The following VPS13B variants were observed in gnomAD, a reference collection of about 807,000 sequenced individuals.
VPS13B encodes intermembrane lipid transfer protein VPS13B.
In VPS13B, 285 loss-of-function variants were observed where a neutral mutation model predicts 426.4. The observed-to-expected ratio is 0.67, with a 90% confidence interval of 0.61 to 0.74. VPS13B has a LOEUF of 0.74. Among genes scored for constraint, VPS13B ranks in the 30% least tolerant of loss-of-function variants. The probability of loss-of-function intolerance (pLI) is 0.00; values close to 1 mark genes in which losing one functional copy is unlikely to be tolerated. For synonymous variants in VPS13B, 1,676 were observed against 1,676.4 expected (o/e 1.00, Z 0.01); for missense variants, 4,537 against 4,782.6 (o/e 0.95, Z 1.51).
intron 17 of VPS13B, among the ~76,000 whole-genome samples, chr8:99,250,493 A>G (rs550240750): frequency 1.3e-5 from 2 of 152,052 alleles, no homozygotes; most frequent in Non-Finnish European, 2.9e-5. Flanking sequence ...TTAAGGTGTT[A>G]GACCTAGATT....
chr8:99,161,647 T>G (rs1301353970), intron 15 of VPS13B, among the ~76,000 whole-genome samples: 1 of 152,124 alleles, frequency 6.6e-6, no homozygotes, highest in Non-Finnish European at 1.5e-5. Flanking sequence ...ACGTTTAATG[T>G]CTCAGGAAGT....
chr8:99,559,778 G>A (rs1824799123), intron 31 of VPS13B, among the ~76,000 whole-genome samples: 1 of 152,078 alleles, frequency 6.6e-6, no homozygotes, highest in African/African-American at 2.4e-5. Context: ...CTCTGTTTTG[G>A]TACCAGTACC....
chr8:99,020,202 A>G (rs1366202418), intron 2 of VPS13B, among the ~76,000 whole-genome samples: 1 of 151,806 alleles, frequency 6.6e-6, no homozygotes, highest in East Asian at 1.9e-4. Flanking sequence ...TGATATCTCA[A>G]TGTGGTTTTA....
chr8:99,850,505 AATT>A (rs1816234504), intron 55 of VPS13B, among the ~76,000 whole-genome samples: 3 of 152,188 alleles, frequency 2.0e-5, no homozygotes, highest in Admixed American at 6.5e-5. Flanking sequence ...TTTAATATGT[AATT>A]ATTATTTGAT....
intron 23 of VPS13B, among the ~76,000 whole-genome samples, chr8:99,445,791 G>A (rs887031758): frequency 4.6e-5 from 7 of 152,020 alleles, no homozygotes; most frequent in African/African-American, 1.7e-4. Context: ...TGAGGTTATT[G>A]TCATAAATTT....
intron 3 of VPS13B, among the ~76,000 whole-genome samples, chr8:99,086,543 TAG>T (rs375420354): frequency 6.6e-6 from 1 of 152,246 alleles, no homozygotes; most frequent in Non-Finnish European, 1.5e-5. Context: ...CTCTGATTTT[TAG>T]AGTTTCCAGT....
chr8:99,410,293 T>G (rs1477313318), intron 21 of VPS13B, among the ~76,000 whole-genome samples: 2 of 152,176 alleles, frequency 1.3e-5, no homozygotes, highest in African/African-American at 4.8e-5. Flanking sequence ...AGGCCTTATC[T>G]TGTCTTTCTG....
chr8:99,261,383 G>A (rs1451810413), intron 17 of VPS13B, among the ~76,000 whole-genome samples: 1 of 151,998 alleles, frequency 6.6e-6, no homozygotes, highest in Non-Finnish European at 1.5e-5. Context: ...TCTTAGTAAT[G>A]TGCGTTATCA....
chr8:99,862,088 C>T (rs1410511217), intron 58 of VPS13B, 142 bp downstream of exon 58: 3 of 989,982 alleles, frequency 3.0e-6, no homozygotes, highest in East Asian at 2.6e-5. Flanking sequence ...CTGAGTTCTA[C>T]AGTGCGTCCC....
intron 51 of VPS13B, among the ~76,000 whole-genome samples, chr8:99,831,927 C>A (rs970161949): frequency 3.9e-5 from 6 of 152,172 alleles, no homozygotes; most frequent in Non-Finnish European, 5.9e-5. Context: ...AACCCAGCCT[C>A]TTTCTAAAAA....
intron 16 of VPS13B, among the ~76,000 whole-genome samples, chr8:99,189,635 CTGTTACTGATATCAG>C (rs1309047464): frequency 5.3e-5 from 8 of 151,918 alleles, no homozygotes; most frequent in Admixed American, 5.2e-4. Context: ...TTGCCCTTTC[CTGTTACTGATATCAG>C]TGTCCTTTTC....
intron 19 of VPS13B, among the ~76,000 whole-genome samples, chr8:99,348,654 A>G (rs1386789319): frequency 6.6e-6 from 1 of 152,180 alleles, no homozygotes; most frequent in African/African-American, 2.4e-5. Flanking sequence ...AAATGATATA[A>G]AATTGGTCAT....
At chr8:99,623,472 T>C (rs1828457513) in intron 33 of VPS13B, among the ~76,000 whole-genome samples, 1 of 152,174 alleles carries the variant, frequency 6.6e-6, no homozygotes, top group Non-Finnish European at 1.5e-5. Context: ...TTTTTGTTGT[T>C]GTTGTTGTTT....
chr8:99,444,260 A>G (rs1485096553), intron 23 of VPS13B, among the ~76,000 whole-genome samples: 1 of 151,668 alleles, frequency 6.6e-6, no homozygotes. Flanking sequence ...CACCACACCC[A>G]GGTAATTTTT....
intron 24 of VPS13B, among the ~76,000 whole-genome samples, chr8:99,470,871 G>T (rs1322937415): frequency 6.6e-6 from 1 of 151,934 alleles, no homozygotes; most frequent in Non-Finnish European, 1.5e-5. Flanking sequence ...TATTGAAAAC[G>T]AAAAATAAAT....
intron 19 of VPS13B, among the ~76,000 whole-genome samples, chr8:99,326,614 G>T (rs1274779490): frequency 6.6e-6 from 1 of 151,458 alleles, no homozygotes. Flanking sequence ...GCTCAAGCTG[G>T]TCTCAAACTG....
chr8:99,728,083 T>G (rs1292666432), intron 39 of VPS13B, among the ~76,000 whole-genome samples: 1 of 152,218 alleles, frequency 6.6e-6, no homozygotes, highest in Non-Finnish European at 1.5e-5. Flanking sequence ...GCTTGGCAGT[T>G]ATACATCTCA....
At chr8:99,782,818 T>C (rs2130697058) in intron 42 of VPS13B, among the ~76,000 whole-genome samples, 1 of 152,252 alleles carries the variant, frequency 6.6e-6, no homozygotes, top group South Asian at 2.1e-4. Context: ...AAATCATTGC[T>C]ACCAATTAAA....
At chr8:99,068,823 G>T (rs1010603249) in intron 3 of VPS13B, among the ~76,000 whole-genome samples, 1 of 152,208 alleles carries the variant, frequency 6.6e-6, no homozygotes, top group Admixed American at 6.5e-5. Flanking sequence ...CCTCCCACCA[G>T]GTCCCTCATT....
Sources: gnomAD v4.1 joint callset for allele counts (sites outside exome capture counted in the v4.1 genomes callset) on GRCh38, gnomAD v4.1.1 for gene constraint, MANE v1.5 for transcripts, NCBI Gene and HGNC (gene_info 2026-07-23, HGNC 2026-07-21) for gene names.